The following AEBP2 variants were observed in gnomAD, a reference collection of about 807,000 sequenced individuals.
AEBP2 encodes the protein zinc finger protein AEBP2.
Under a neutral mutation model 50.8 loss-of-function variants are expected in AEBP2, and 10 were observed. That is an observed-to-expected ratio of 0.20 (90% confidence interval 0.12 to 0.33). The LOEUF (loss-of-function observed/expected upper bound fraction) is 0.33. Among genes scored for constraint, AEBP2 ranks in the 10% least tolerant of loss-of-function variants. The probability of loss-of-function intolerance (pLI) is 1.00; values close to 1 mark genes in which losing one functional copy is unlikely to be tolerated. For synonymous variants in AEBP2, 296 were observed against 261.3 expected, an observed-to-expected ratio of 1.13 and a Z score of -1.28; for missense variants, 570 against 688.0, an observed-to-expected ratio of 0.83 and a Z score of 1.92.
Position 19,439,538 on chromosome 12 carries a change from C to A in AEBP2, c.-162C>A. On this transcript the variant is annotated 5_prime_UTR_variant, in exon 1 of 8. Transcript: ENST00000266508. ...AGTCGCGCGCCTGTCCCCGCGCGGG[C>A]TCCGTAGCGCGTGTGCAGGCTGACG... 1.1e-6 allele frequency: 1 copy of A among 940,108 alleles called. No individual in the cohort carries two copies. The highest frequency in any genetic ancestry group is 1.5e-6 in the Non-Finnish European group (1 of 667,894). The allele number at this position is 940,108 out of a possible 1,614,324, so 58.2% of individuals were successfully genotyped here.
intron 3 of AEBP2, among the ~76,000 whole-genome samples, chr12:19,480,389 G>A (rs1407421239): frequency 6.6e-6 from 1 of 152,248 alleles, no homozygotes; most frequent in Non-Finnish European, 1.5e-5. Flanking sequence ...ACAGGCATGG[G>A]CCACTGCGCC....
rs948997358 is a variant in AEBP2, at chr12:19,499,950, T to C, written c.1175-147T>C. The C allele has an allele frequency of 3.8e-6, 3 of 784,008 alleles. No individual in the cohort carries two copies. In the African/African-American group the frequency reaches 5.5e-5, roughly 14 times the overall value. 48.6% of individuals were successfully genotyped at this position (784,008 alleles called of 1,614,324 possible). A position where few individuals can be genotyped will look rare whatever the true frequency, so the allele number is the denominator to read the frequency against. ...ATAATGCTTTTGCATATTAGTCTTC[T>C]TATCTAGAGTCCATGTTTTGTAAGC... On this transcript the variant is annotated intron_variant, in intron 4 of 7. Transcript: ENST00000266508.
intron 1 of AEBP2, among the ~76,000 whole-genome samples, chr12:19,411,670 A>C (rs2095739299): frequency 6.6e-6 from 1 of 152,236 alleles, no homozygotes; most frequent in South Asian, 2.1e-4. Flanking sequence ...TTCTTCTCTC[A>C]GGTTCTGGCA....
chr12:19,514,044 T>G (rs780724020), intron 6 of AEBP2, among the ~76,000 whole-genome samples: 38 of 151,724 alleles, frequency 2.5e-4, no homozygotes, highest in Non-Finnish European at 3.4e-4. Context: ...TTGACGCCCA[T>G]GCTGCAGTGC....
intron 5 of AEBP2, among the ~76,000 whole-genome samples, chr12:19,501,791 G>T: frequency 4.1e-5 from 3 of 73,180 alleles, no homozygotes; most frequent in Admixed American, 1.5e-4. Flanking sequence ...CTATAAAAAT[G>T]AGTTTGTTTT....
chr12:19,412,445 T>C (rs1297473871), intron 1 of AEBP2, among the ~76,000 whole-genome samples: 2 of 151,688 alleles, frequency 1.3e-5, no homozygotes, highest in African/African-American at 2.4e-5. Context: ...ACCTAGCGAA[T>C]TTTTTTGTAT....
At position 19,462,682 on chromosome 12, in the gene AEBP2, A is replaced by G; in HGVS notation, c.844A>G (p.Ile282Val). ...FNSSPDLADH[I>V]RSIHVDGQRG... ...CTCTAGCCCAGATCTGGCAGATCAC[A>G]TCCGTTCCATACATGTAGATGGTCA... The change falls in exon 2 of 8, where the codon ATC (isoleucine) becomes GTC (valine). Residue 282 changes from isoleucine to valine, a missense_variant. Coordinates refer to ENST00000266508, the MANE Select transcript of AEBP2 (RefSeq NM_153207.5). The G allele has an allele frequency of 6.2e-7, 1 of 1,613,838 alleles. No homozygotes were observed. Among genetic ancestry groups the G allele is most frequent in the Non-Finnish European group, 8.5e-7 (1 of 1,179,780 alleles).
chr12:19,516,252 A>T (rs778590105), intron 7 of AEBP2, among the ~76,000 whole-genome samples: 1 of 152,144 alleles, frequency 6.6e-6, no homozygotes, highest in Non-Finnish European at 1.5e-5. Flanking sequence ...AAAATAATTG[A>T]GTGTTGTTGA....
intron 1 of AEBP2, among the ~76,000 whole-genome samples, chr12:19,421,483 A>G (rs1034736315): frequency 2.6e-5 from 4 of 151,944 alleles, no homozygotes; most frequent in Non-Finnish European, 2.9e-5. Flanking sequence ...TTAGCTGGGC[A>G]TTGTGGTATG....
chr12:19,424,541 C>T (rs1054223197), intron 1 of AEBP2, among the ~76,000 whole-genome samples: 12 of 151,860 alleles, frequency 7.9e-5, no homozygotes, highest in African/African-American at 2.7e-4. Context: ...GGACTACAGG[C>T]GCCCGCCACC....
At chr12:19,420,543 A>G (rs1049058305) in intron 1 of AEBP2, among the ~76,000 whole-genome samples, 11 of 151,334 alleles carry the variant, frequency 7.3e-5, no homozygotes, top group African/African-American at 2.4e-4. Context: ...TGTGTTGGCC[A>G]GGCTGGTCTT....
rs1436837057 is a variant in AEBP2, at chr12:19,473,188, G to T, written c.880-60G>T. On this transcript the variant is annotated intron_variant, in intron 2 of 7. Coordinates refer to ENST00000266508, the MANE Select transcript of AEBP2 (RefSeq NM_153207.5). ...TAACATGTTAATTTGAATGTATGAG[G>T]AATCAAACTCTTCTTGAGATAAGTC... The T allele has an allele frequency of 8.3e-6, 6 of 720,546 alleles. No individual in the cohort carries two copies. In the East Asian group the frequency reaches 1.5e-4, roughly 19 times the overall value. The allele number at this position is 720,546 out of a possible 1,614,324, so 44.6% of individuals were successfully genotyped here.
intron 1 of AEBP2, among the ~76,000 whole-genome samples, chr12:19,434,401 G>A (rs904696506): frequency 7.3e-5 from 11 of 151,592 alleles, no homozygotes; most frequent in African/African-American, 2.2e-4. Flanking sequence ...TTGAACTCCC[G>A]ACCTCAGGTG....
In AEBP2 at chr12:19,445,967, A is replaced by G. The variant is rs1236107825; in HGVS notation, c.671+5597A>G. ...AATTAGAAAAGAAATGGAATGCTTC[A>G]TGAATTTGCATGTCATCCTTGTGCA... is the stretch of plus-strand genomic sequence containing the variant. On this transcript the variant is annotated intron_variant, in intron 1 of 7. Coordinates refer to ENST00000266508, the MANE Select transcript of AEBP2 (RefSeq NM_153207.5). 2.0e-5 allele frequency: 3 copies of G among 152,332 alleles called. No homozygotes were observed. The East Asian group carries it at 5.8e-4, about 29-fold the overall frequency. The allele number at this position is 152,332 out of a possible 1,614,324, so 9.4% of individuals were successfully genotyped here. A position where few individuals can be genotyped will look rare whatever the true frequency, so the allele number is the denominator to read the frequency against.
At chr12:19,464,477 A>G (rs1421988805) in intron 2 of AEBP2, among the ~76,000 whole-genome samples, 2 of 152,164 alleles carry the variant, frequency 1.3e-5, no homozygotes, top group African/African-American at 4.8e-5. Flanking sequence ...GGAATCCCAC[A>G]AGTTGAGCTG....
At chr12:19,502,930 C>T (rs560675859) in intron 5 of AEBP2, among the ~76,000 whole-genome samples, 40 of 152,128 alleles carry the variant, frequency 2.6e-4, no homozygotes, top group Non-Finnish European at 4.6e-4. Context: ...TTAATAGGCG[C>T]GAGCCACCAC....
chr12:19,434,755 T>G (rs879667852), upstream of AEBP2, among the ~76,000 whole-genome samples: 6 of 152,192 alleles, frequency 3.9e-5, no homozygotes, highest in African/African-American at 7.2e-5. Flanking sequence ...TCACTGTGGT[T>G]ATGGAGGAGT....
intron 1 of AEBP2, among the ~76,000 whole-genome samples, chr12:19,432,825 G>T (rs1373348678): frequency 2.0e-5 from 3 of 152,060 alleles, no homozygotes; most frequent in Non-Finnish European, 4.4e-5. Context: ...TGCCCTTCTG[G>T]GACTCCCAGA....
chr12:19,486,266 C>T (rs1388066064), intron 3 of AEBP2, among the ~76,000 whole-genome samples: 1 of 152,054 alleles, frequency 6.6e-6, no homozygotes. Flanking sequence ...AAAATATCAG[C>T]GAGATTTGTA....
Sources: gnomAD v4.1 joint callset for allele counts (sites outside exome capture counted in the v4.1 genomes callset) on GRCh38, gnomAD v4.1.1 for gene constraint, MANE v1.5 for transcripts, NCBI Gene and HGNC (gene_info 2026-07-23, HGNC 2026-07-21) for gene names.